The following NAV2 variants were observed in gnomAD, a reference collection of about 807,000 sequenced individuals.
NAV2 encodes the protein helicase, APC down-regulated 1.
A neutral mutation model predicts 223.2 loss-of-function variants in NAV2; 54 were observed. The observed-to-expected ratio is 0.24, with a 90% CI of 0.19 to 0.30. The LOEUF is 0.30. NAV2 is among the 10% of genes least tolerant of loss of function. NAV2 has a pLI of 1.00. For missense variants in NAV2, 2,806 were observed against 3,147.5 expected (o/e 0.89, Z 2.60); for synonymous variants, 1,279 against 1,239.3 (o/e 1.03, Z -0.67).
At chr11:20,058,648 G>C (rs534362716) in intron 19 of NAV2, among the ~76,000 whole-genome samples, 2 of 152,210 alleles carry the variant, frequency 1.3e-5, no homozygotes, top group African/African-American at 4.8e-5. Context: ...TTGTATTGCA[G>C]CATGCTTGTG....
At chr11:19,427,638 C>T (rs1444553915) in intron 1 of NAV2, among the ~76,000 whole-genome samples, 2 of 152,132 alleles carry the variant, frequency 1.3e-5, no homozygotes, top group East Asian at 1.9e-4. Flanking sequence ...GGGGTCAAGG[C>T]GGGGCGGAAT....
intron 1 of NAV2, among the ~76,000 whole-genome samples, chr11:19,612,910 A>T (rs1472958406): frequency 1.3e-5 from 2 of 152,220 alleles, no homozygotes; most frequent in African/African-American, 4.8e-5. Flanking sequence ...CACATTGCTG[A>T]TAAAGACATA....
At chr11:19,945,153 CTCCCTTCCCTTCCCTTCCCTTCCCT>C (rs755938941) in intron 8 of NAV2, among the ~76,000 whole-genome samples, 1,723 of 94,722 alleles carry the variant, frequency 0.018, 52 homozygotes, top group African/African-American at 0.067. Flanking sequence ...TTCTTTCTGT[CTCCCTTCCCTTCCCTTCCCTTCCCT>C]TCCCTTCCCT....
intron 1 of NAV2, among the ~76,000 whole-genome samples, chr11:19,528,928 C>CA (rs528321807): frequency 0.01 from 863 of 82,220 alleles, 15 homozygotes; most frequent in African/African-American, 0.028. Context: ...GACTCCATCT[C>CA]AAAAAAAAAA....
intron 1 of NAV2, among the ~76,000 whole-genome samples, chr11:19,541,741 C>G (rs1263316777): frequency 6.6e-6 from 1 of 152,180 alleles, no homozygotes; most frequent in Non-Finnish European, 1.5e-5. Flanking sequence ...TTGTGGGCCT[C>G]GCTGGAGCCA....
chr11:20,110,814 A>G (rs2062564943), intron 36 of NAV2, among the ~76,000 whole-genome samples: 1 of 151,898 alleles, frequency 6.6e-6, no homozygotes, highest in Non-Finnish European at 1.5e-5. Flanking sequence ...CCCCTCACCT[A>G]ACCCGGGTAA....
intron 1 of NAV2, among the ~76,000 whole-genome samples, chr11:19,467,008 CACACACACACAGAG>C (rs1323446737): frequency 2.3e-5 from 3 of 133,208 alleles, no homozygotes; most frequent in African/African-American, 8.3e-5. Context: ...CACACACACA[CACACACACACAGAG>C]AGAGAGAGAG....
chr11:19,550,067 G>A (rs1218500967), intron 1 of NAV2, among the ~76,000 whole-genome samples: 3 of 152,204 alleles, frequency 2.0e-5, no homozygotes, highest in African/African-American at 7.2e-5. Flanking sequence ...GGAAATTCAA[G>A]TTTTGATTTA....
intron 2 of NAV2, among the ~76,000 whole-genome samples, chr11:19,835,738 C>T (rs925629541): frequency 2.7e-5 from 4 of 150,870 alleles, no homozygotes; most frequent in Non-Finnish European, 5.9e-5. Context: ...AAATTTTCTA[C>T]ATAAAATTTT....
chr11:19,402,952 C>T, intron 1 of NAV2, among the ~76,000 whole-genome samples: 1 of 152,206 alleles, frequency 6.6e-6, no homozygotes, highest in East Asian at 1.9e-4. Context: ...CATCCCTCAT[C>T]CATTCATTAC....
intron 16 of NAV2, among the ~76,000 whole-genome samples, 173 bp downstream of exon 16, chr11:20,050,074 C>G (rs1040416265): frequency 1.3e-5 from 2 of 152,172 alleles, no homozygotes; most frequent in Non-Finnish European, 2.9e-5. Context: ...CCTCTGTCTG[C>G]TAAAGCCCAG....
In NAV2 at chr11:19,878,391, A is replaced by T. The variant is rs141246131; in HGVS notation, c.512-1478A>T. On this transcript the variant is annotated intron_variant, in intron 4 of 37. Coordinates refer to ENST00000349880, the MANE Select transcript of NAV2 (RefSeq NM_145117.5). ...GTGCTTTTGCCTAAGTGCTCCCATT[A>T]GTTCTGCAAAACAACCTTGTGCAGT... Among the ~76,000 whole-genome samples the T allele has an allele frequency of 1.6e-3, 240 of 152,322 alleles. 6 individuals carry two copies. The South Asian group carries it at 0.026, about 16-fold the overall frequency.
At chr11:19,913,092 T>G (rs2043457991) in intron 6 of NAV2, among the ~76,000 whole-genome samples, 1 of 152,240 alleles carries the variant, frequency 6.6e-6, no homozygotes, top group African/African-American at 2.4e-5. Flanking sequence ...GCATTTTTCT[T>G]TCCTTAACTC....
chr11:19,651,001 G>A (rs1413974931), intron 1 of NAV2, among the ~76,000 whole-genome samples: 1 of 152,166 alleles, frequency 6.6e-6, no homozygotes. Context: ...CATAAAATGA[G>A]TGTTTTATTC....
At chr11:19,806,520 G>A (rs1400154203) in intron 1 of NAV2, among the ~76,000 whole-genome samples, 1 of 152,244 alleles carries the variant, frequency 6.6e-6, no homozygotes, top group African/African-American at 2.4e-5. Context: ...AAGAAGGTAT[G>A]ATGATTGATA....
chr11:19,712,705 G>A (rs552525990), upstream of NAV2: 9 of 151,496 alleles, frequency 5.9e-5, no homozygotes, highest in South Asian at 2.1e-4. Context: ...GAGTTTCGGC[G>A]GCGGCCAGAG....
At chr11:19,683,986 A>G (rs1252570605) in intron 1 of NAV2, among the ~76,000 whole-genome samples, 3 of 152,160 alleles carry the variant, frequency 2.0e-5, no homozygotes, top group African/African-American at 7.2e-5. Context: ...AGCATTTTTT[A>G]ATTTTTAAAA....
At chr11:20,034,570 T>C (rs1440120839) in intron 11 of NAV2, among the ~76,000 whole-genome samples, 1 of 152,100 alleles carries the variant, frequency 6.6e-6, no homozygotes, top group Non-Finnish European at 1.5e-5. Flanking sequence ...TTAGTAGAGA[T>C]GGGGTTTCAC....
intron 11 of NAV2, among the ~76,000 whole-genome samples, chr11:19,994,655 C>A (rs990358309): frequency 6.6e-6 from 1 of 152,064 alleles, no homozygotes; most frequent in East Asian, 1.9e-4. Context: ...ATATAAGGCA[C>A]TTACGGTGGC....
Sources: allele counts gnomAD v4.1 joint callset (sites outside exome capture counted in the v4.1 genomes callset), GRCh38; gene constraint gnomAD v4.1.1; transcripts MANE v1.5; gene names NCBI Gene and HGNC (gene_info 2026-07-23, HGNC 2026-07-21).